Variants in SH3RF3 observed in about 807,000 individuals in gnomAD.
The protein encoded by SH3RF3 is SH3 domain containing ring finger 3.
In SH3RF3, 29 loss-of-function variants were observed where a neutral mutation model predicts 66.3. The ratio of observed to expected loss-of-function variants is 0.44; its 90% CI spans 0.33 to 0.60. The LOEUF (loss-of-function observed/expected upper bound fraction) is 0.60, where lower values mean the gene tolerates loss of function less well. Among genes scored for constraint, SH3RF3 ranks in the 20% least tolerant of loss-of-function variants. The pLI is 0.04. For missense variants in SH3RF3, 1,194 were observed against 1,190.9 expected (o/e 1.00, Z -0.04); for synonymous variants, 583 against 532.0 (o/e 1.10, Z -1.32).
intron 3 of SH3RF3, among the ~76,000 whole-genome samples, chr2:109,383,424 G>A (rs1220178871): frequency 2.6e-5 from 4 of 152,184 alleles, no homozygotes; most frequent in Admixed American, 2.6e-4. Flanking sequence ...CTAAGACTTG[G>A]CAATGGATTA....
chr2:109,217,068 T>C (rs1679115624), intron 1 of SH3RF3, among the ~76,000 whole-genome samples: 1 of 152,226 alleles, frequency 6.6e-6, no homozygotes, highest in Non-Finnish European at 1.5e-5. Flanking sequence ...CTCAGCACAG[T>C]GTCCTCTAGG....
intron 1 of SH3RF3, among the ~76,000 whole-genome samples, chr2:109,251,871 G>A (rs1680099568): frequency 6.6e-6 from 1 of 152,034 alleles, no homozygotes; most frequent in Admixed American, 6.6e-5. Context: ...GTTTTAAGAG[G>A]ATGGGTTCCA....
intron 1 of SH3RF3, among the ~76,000 whole-genome samples, chr2:109,234,799 G>A (rs1217278369): frequency 6.6e-6 from 1 of 152,136 alleles, no homozygotes; most frequent in African/African-American, 2.4e-5. Context: ...CTGACTTCCT[G>A]GGGAAATTCA....
chr2:109,299,281 T>C (rs1429579093), intron 1 of SH3RF3, among the ~76,000 whole-genome samples: 1 of 152,258 alleles, frequency 6.6e-6, no homozygotes, highest in African/African-American at 2.4e-5. Flanking sequence ...ATTTTATTTA[T>C]AGATTTTATT....
chr2:109,389,525 G>A (rs994335124), intron 3 of SH3RF3, among the ~76,000 whole-genome samples: 1 of 152,162 alleles, frequency 6.6e-6, no homozygotes, highest in African/African-American at 2.4e-5. Context: ...TTCTTAAAAA[G>A]GCCGGTCAGG....
chr2:109,203,392 G>A (rs1317256137), intron 1 of SH3RF3, among the ~76,000 whole-genome samples: 1 of 152,198 alleles, frequency 6.6e-6, no homozygotes, highest in Admixed American at 6.5e-5. Context: ...TTGGGAGGGT[G>A]TTTCCGCGTC....
chr2:109,192,210 C>T (rs1678385108), intron 1 of SH3RF3, among the ~76,000 whole-genome samples: 1 of 152,164 alleles, frequency 6.6e-6, no homozygotes, highest in Non-Finnish European at 1.5e-5. Context: ...TACTGAACCT[C>T]TTTATGATTC....
At chr2:109,335,779 A>G (rs749600361) in intron 1 of SH3RF3, among the ~76,000 whole-genome samples, 2 of 152,264 alleles carry the variant, frequency 1.3e-5, no homozygotes, top group Non-Finnish European at 2.9e-5. Context: ...GACTAACTGC[A>G]TAAATGTCCT....
At chr2:109,411,251 C>G (rs143405044) in intron 4 of SH3RF3, among the ~76,000 whole-genome samples, 1 of 152,224 alleles carries the variant, frequency 6.6e-6, no homozygotes, top group Non-Finnish European at 1.5e-5. Context: ...TCAGGCTTTG[C>G]AGGATGCTGG....
intron 1 of SH3RF3, among the ~76,000 whole-genome samples, chr2:109,216,964 G>T (rs1679114407): frequency 6.6e-6 from 1 of 152,000 alleles, no homozygotes; most frequent in Non-Finnish European, 1.5e-5. Flanking sequence ...CACCCTCCAG[G>T]CCCTGGCACC....
intron 3 of SH3RF3, among the ~76,000 whole-genome samples, chr2:109,387,740 G>T (rs3860482): frequency 0.44 from 67,362 of 152,086 alleles, 15,595 homozygotes; most frequent in South Asian, 0.54. Flanking sequence ...TCCTTGTCTG[G>T]GTATCTGGGA....
intron 1 of SH3RF3, among the ~76,000 whole-genome samples, chr2:109,228,095 T>C (rs755400789): frequency 6.6e-6 from 1 of 152,196 alleles, no homozygotes; most frequent in Non-Finnish European, 1.5e-5. Flanking sequence ...TTACTCTCTC[T>C]TGACACATAC....
At chr2:109,353,424 C>T (rs1468988999) in intron 2 of SH3RF3, among the ~76,000 whole-genome samples, 1 of 152,242 alleles carries the variant, frequency 6.6e-6, no homozygotes, top group Non-Finnish European at 1.5e-5. Context: ...CCTGTCCACA[C>T]CCTTTCTCCT....
chr2:109,197,171 G>A (rs559860450), intron 1 of SH3RF3, among the ~76,000 whole-genome samples: 2 of 152,306 alleles, frequency 1.3e-5, no homozygotes, highest in East Asian at 3.9e-4. Context: ...CAGCCCTGCG[G>A]CCCAGGAAGG....
At chr2:109,195,270 C>G (rs990919257) in intron 1 of SH3RF3, among the ~76,000 whole-genome samples, 2 of 152,158 alleles carry the variant, frequency 1.3e-5, no homozygotes, top group Admixed American at 6.5e-5. Context: ...GAACAGGGAG[C>G]TAACAGGAGG....
intron 1 of SH3RF3, among the ~76,000 whole-genome samples, chr2:109,319,971 G>C (rs544775559): frequency 4.7e-4 from 72 of 152,340 alleles, no homozygotes; most frequent in African/African-American, 1.7e-3. Flanking sequence ...AGAGAAGTCA[G>C]AGTGGGTGAT....
At chr2:109,246,629 G>A (rs1679924016) in intron 1 of SH3RF3, among the ~76,000 whole-genome samples, 1 of 152,188 alleles carries the variant, frequency 6.6e-6, no homozygotes, top group Admixed American at 6.5e-5. Context: ...CACAGCCAGT[G>A]TATCTCCCTG....
At position 109,195,266 on chromosome 2, in the gene SH3RF3, G is replaced by T. The variant is rs572805596; in HGVS notation, c.573+65153G>T. Among the ~76,000 whole-genome samples the T allele has an allele frequency of 3.3e-5, 5 of 152,304 alleles. No individual in the cohort carries two copies. The South Asian group carries it at 1.0e-3, about 32-fold the overall frequency. Reference sequence around the variant, plus strand: ...CTAGGACTGCAGTCCATGGGAACAGGGAGCTAACAGGAGGGTCCCATAGCT... The same window carrying T: ...CTAGGACTGCAGTCCATGGGAACAGTGAGCTAACAGGAGGGTCCCATAGCT... On this transcript the variant is annotated intron_variant, in intron 1 of 9. Transcript: ENST00000309415.
intron 1 of SH3RF3, among the ~76,000 whole-genome samples, chr2:109,295,140 G>A (rs892921731): frequency 6.6e-5 from 10 of 152,198 alleles, no homozygotes; most frequent in African/African-American, 1.9e-4. Context: ...GGTGTGGTAC[G>A]GAGCACCCAC....
Sources: gnomAD v4.1 joint callset for allele counts (sites outside exome capture counted in the v4.1 genomes callset) on GRCh38, gnomAD v4.1.1 for gene constraint, MANE v1.5 for transcripts, NCBI Gene and HGNC (gene_info 2026-07-23, HGNC 2026-07-21) for gene names.